Variants in SLC22A16 observed in about 807,000 individuals in gnomAD.
SLC22A16 encodes solute carrier family 22 member 16, also known as WUGSC:RG331P03.1.
A neutral mutation model predicts 52.9 loss-of-function variants in SLC22A16; 53 were observed. The observed-to-expected ratio is 1.00, with a 90% CI of 0.80 to 1.26. The LOEUF is 1.26. Ranked by LOEUF, SLC22A16 falls within the 50% of genes most tolerant of loss-of-function variation. The pLI is 0.00. For missense variants in SLC22A16, 726 were observed against 704.0 expected, an observed-to-expected ratio of 1.03 and a Z score of -0.35; for synonymous variants, 291 against 268.8, an observed-to-expected ratio of 1.08 and a Z score of -0.81.
rs1216327774 is a variant in SLC22A16 at position 110,440,716 on chromosome 6, G to T, written c.1183+1528C>A. On this transcript the variant is annotated intron_variant, in intron 4 of 7. Transcript: ENST00000368919. ...CGCTTGAACCCAGGAGGCGGATATT[G>T]CAGTGAGCTGAGATCACACCACTGC... Among the ~76,000 whole-genome samples, 6 of 152,292 alleles carry T rather than the reference G, an allele frequency of 3.9e-5. No homozygotes were observed. In the East Asian group the frequency reaches 9.6e-4, roughly 24 times the overall value.
intron 1 of SLC22A16, among the ~76,000 whole-genome samples, chr6:110,467,713 T>C (rs1776118595): frequency 6.6e-6 from 1 of 152,372 alleles, no homozygotes; most frequent in African/African-American, 2.4e-5. Flanking sequence ...TGCACAGATG[T>C]GCATGTAGAC....
intron 2 of SLC22A16, among the ~76,000 whole-genome samples, chr6:110,455,182 C>T (rs1775600518): frequency 6.7e-6 from 1 of 149,908 alleles, no homozygotes; most frequent in African/African-American, 2.5e-5. Flanking sequence ...ATATTTTGTA[C>T]TCTGACTGTG....
chr6:110,441,271 A>G lies in SLC22A16; in HGVS notation c.1183+973T>C, dbSNP rs143438237. 2.6e-5 allele frequency among the ~76,000 whole-genome samples: 4 copies of G among 152,342 alleles called. No homozygotes were observed. In the East Asian group the frequency reaches 7.7e-4, roughly 29 times the overall value. ...AATTAGTCTGGCTTACAGAATTCTG[A>G]CTGAAAAATTAAAGTTGAGCAAACT... On this transcript the variant is annotated intron_variant, in intron 4 of 7. Coordinates refer to ENST00000368919, the MANE Select transcript of SLC22A16 (RefSeq NM_033125.4).
intron 1 of SLC22A16, among the ~76,000 whole-genome samples, chr6:110,469,605 T>G (rs574956614): frequency 1.3e-5 from 2 of 152,326 alleles, no homozygotes; most frequent in East Asian, 3.9e-4. Context: ...ATGTTCACAC[T>G]CATTATCTCA....
intron 1 of SLC22A16, among the ~76,000 whole-genome samples, chr6:110,474,026 A>T (rs979386348): frequency 2.0e-5 from 3 of 151,958 alleles, no homozygotes; most frequent in African/African-American, 7.3e-5. Flanking sequence ...CCTAAGCTCC[A>T]CCTCCTGTCA....
Position 110,456,579 on chromosome 6 carries a change from T to G in SLC22A16, c.492A>C (p.Gly164=), listed in dbSNP as rs1775662903. 6.2e-7 allele frequency: 1 copy of G among 1,614,060 alleles called. No individual in the cohort carries two copies. The highest frequency in any genetic ancestry group is 1.3e-5 in the African/African-American group (1 of 74,928). ...AMLIQPLFMF[G]VLLGSVTFGY... Reference sequence around the variant, plus strand: ...CAAAAGTCACCGATCCCAGTAGGACTCCAAACATAAATAGGGGCTGGATCA... The same window carrying G: ...CAAAAGTCACCGATCCCAGTAGGACGCCAAACATAAATAGGGGCTGGATCA... Residue 164 remains glycine (G), a synonymous_variant, in exon 2 of 8, where the codon GGA becomes GGC. Coordinates refer to ENST00000368919, the MANE Select transcript of SLC22A16 (RefSeq NM_033125.4).
chr6:110,429,140 T>C (rs1205976423), intron 7 of SLC22A16, among the ~76,000 whole-genome samples: 1 of 152,102 alleles, frequency 6.6e-6, no homozygotes, highest in East Asian at 1.9e-4. Flanking sequence ...TTATCTTTTT[T>C]GAAAAAAAAT....
chr6:110,476,249 A>G, intron 1 of SLC22A16: 1 of 951,780 alleles, frequency 1.1e-6, no homozygotes. Context: ...TGCCGCGGAG[A>G]GCACGCACCA....
intron 1 of SLC22A16, among the ~76,000 whole-genome samples, chr6:110,461,625 G>A (rs1775887939): frequency 6.6e-6 from 1 of 152,124 alleles, no homozygotes; most frequent in South Asian, 2.1e-4. Flanking sequence ...CACACTCCTA[G>A]CCCTACAGAA....
intron 2 of SLC22A16, among the ~76,000 whole-genome samples, chr6:110,447,403 C>A (rs1299120353): frequency 6.6e-6 from 1 of 151,058 alleles, no homozygotes; most frequent in Non-Finnish European, 1.5e-5. Context: ...TTGCTACCTT[C>A]TTCTTCTAGA....
In SLC22A16 at chr6:110,435,981, A is replaced by C. The variant is rs772881206; in HGVS notation, c.1312-20T>G. Reference sequence around the variant, plus strand: ...ATGTTTCTGAAAAAAATTTAGCAGAATAGATCATCACAAGTGGTATTTTTA... The same window carrying C: ...ATGTTTCTGAAAAAAATTTAGCAGACTAGATCATCACAAGTGGTATTTTTA... On this transcript the variant is annotated intron_variant, in intron 5 of 7. Transcript: ENST00000368919. 5.4e-6 allele frequency: 8 copies of C among 1,473,388 alleles called. No homozygotes were observed. The Admixed American group carries it at 1.0e-4, about 19-fold the overall frequency. The allele number at this position is 1,473,388 out of a possible 1,614,324, so 91.3% of individuals were successfully genotyped here.
intron 1 of SLC22A16, 122 bp from the exon 2 acceptor site, chr6:110,457,139 T>G: frequency 1.1e-6 from 1 of 929,144 alleles, no homozygotes; most frequent in Non-Finnish European, 1.6e-6. Flanking sequence ...AATATAGAAA[T>G]AATTATAGAC....
intron 1 of SLC22A16, among the ~76,000 whole-genome samples, chr6:110,469,462 TA>T (rs1776186548): frequency 1.3e-5 from 2 of 152,226 alleles, no homozygotes; most frequent in South Asian, 2.1e-4. Flanking sequence ...GGCATGAGAA[TA>T]GCTGGAACCT....
At chr6:110,473,564 G>A (rs759892835) in intron 1 of SLC22A16, among the ~76,000 whole-genome samples, 30 of 117,506 alleles carry the variant, frequency 2.6e-4, no homozygotes, top group Non-Finnish European at 3.8e-4. Flanking sequence ...TCGTTCTGTC[G>A]CCCGGGCTGG....
At chr6:110,464,091 G>C (rs1328140862) in intron 1 of SLC22A16, among the ~76,000 whole-genome samples, 1 of 151,908 alleles carries the variant, frequency 6.6e-6, no homozygotes, top group African/African-American at 2.4e-5. Flanking sequence ...AAAATGTTTT[G>C]AAATGAATGA....
Position 110,452,674 on chromosome 6 carries a change from A to G in SLC22A16, c.533+3864T>C, listed in dbSNP as rs1775431089. ...ACATAGCAAAACCCTGTCTCTAAAC[A>G]TAAAAAGAAAGAAAGAAAAAAGAAA... On this transcript the variant is annotated intron_variant, in intron 2 of 7. Transcript: ENST00000368919. 3.3e-5 allele frequency among the ~76,000 whole-genome samples: 5 copies of G among 152,340 alleles called. No homozygotes were observed. In the South Asian group the frequency reaches 1.0e-3, roughly 32 times the overall value.
At chr6:110,425,313 C>A (rs1582508376) in intron 7 of SLC22A16, 1 of 1,478,118 alleles carries the variant, frequency 6.8e-7, no homozygotes, top group East Asian at 2.9e-5. Flanking sequence ...CTTCATGACC[C>A]ACCATGGAGT....
At chr6:110,476,357 G>T in intron 1 of SLC22A16, 165 bp downstream of exon 1, 1 of 1,379,966 alleles carries the variant, frequency 7.2e-7, no homozygotes, top group South Asian at 1.7e-5. Flanking sequence ...GAGAAGCCCA[G>T]CTAGGGGCCG....
chr6:110,444,451 T>A (rs1775091284), intron 3 of SLC22A16, among the ~76,000 whole-genome samples: 1 of 152,232 alleles, frequency 6.6e-6, no homozygotes, highest in Admixed American at 6.5e-5. Flanking sequence ...TATGTGATTA[T>A]CCTTGCAGAT....
Sources: allele counts gnomAD v4.1 joint callset (sites outside exome capture counted in the v4.1 genomes callset), GRCh38; gene constraint gnomAD v4.1.1; transcripts MANE v1.5; gene names NCBI Gene and HGNC (gene_info 2026-07-23, HGNC 2026-07-21).